Variants in ALCAM observed in about 807,000 individuals in gnomAD.
ALCAM encodes activated leukocyte cell adhesion molecule, also known as CD166 antigen.
In ALCAM, 30 loss-of-function variants were observed where a neutral mutation model predicts 70.9. The ratio of observed to expected loss-of-function variants is 0.42; its 90% confidence interval spans 0.32 to 0.57. The LOEUF (loss-of-function observed/expected upper bound fraction) is 0.57, where lower values mean the gene tolerates loss of function less well. Ranked by LOEUF, ALCAM falls within the 20% of genes least tolerant of loss-of-function variation. The pLI is 0.11. For synonymous variants in ALCAM, 249 were observed against 242.5 expected (o/e 1.03, Z -0.25); for missense variants, 591 against 695.1 (o/e 0.85, Z 1.68).
rs1411559686 is a variant in ALCAM at position 105,434,571 on chromosome 3, C to T, written c.73+67090C>T. ...ATATATTAATATATATAAATGTATTCTACATTGGCCTTTTTATCCTCTTGG... is the reference window on the plus strand; with the variant it reads ...ATATATTAATATATATAAATGTATTTTACATTGGCCTTTTTATCCTCTTGG... On this transcript the variant is annotated intron_variant, in intron 1 of 15. Coordinates refer to ENST00000306107, the MANE Select transcript of ALCAM (RefSeq NM_001627.4). 2.6e-5 allele frequency among the ~76,000 whole-genome samples: 4 copies of T among 151,930 alleles called. No homozygotes were observed. In the South Asian group the frequency reaches 6.2e-4, roughly 24 times the overall value.
chr3:105,534,676 T>G lies in ALCAM; in HGVS notation c.561T>G (p.Ile187Met). The G allele has an allele frequency of 6.2e-7, 1 of 1,613,524 alleles. No homozygotes were observed. Among genetic ancestry groups the G allele is most frequent in the Non-Finnish European group, 8.5e-7 (1 of 1,179,664 alleles). ...LHPLEGAVVI[I>M]FKKEMDPVTQ... ...TATTTTCTTCAGCGGTGGTCATAATTTTTAAAAAGGAAATGGACCCAGTGA... is the reference window on the plus strand; with the variant it reads ...TATTTTCTTCAGCGGTGGTCATAATGTTTAAAAAGGAAATGGACCCAGTGA... The change falls in exon 6 of 16, where the codon ATT becomes ATG. Residue 187 changes from isoleucine to methionine, a missense_variant. Physicochemically the swap from Ile to Met is conservative, Grantham distance 10 (BLOSUM62 1). Transcript: ENST00000306107.
intron 1 of ALCAM, among the ~76,000 whole-genome samples, chr3:105,403,133 G>A (rs1374641845): frequency 1.3e-5 from 2 of 151,912 alleles, no homozygotes; most frequent in Non-Finnish European, 2.9e-5. Context: ...TTTCAGTAGA[G>A]ACGGGGTTTC....
chr3:105,481,873 C>A (rs1232149700), intron 1 of ALCAM, among the ~76,000 whole-genome samples: 1 of 151,982 alleles, frequency 6.6e-6, no homozygotes, highest in East Asian at 1.9e-4. Context: ...TTGGCCAATT[C>A]ATTAAAGATA....
At chr3:105,532,628 A>G (rs1939868658) in intron 4 of ALCAM, among the ~76,000 whole-genome samples, 1 of 151,958 alleles carries the variant, frequency 6.6e-6, no homozygotes, top group Non-Finnish European at 1.5e-5. Flanking sequence ...TATAGAGAGA[A>G]TGATGAAAGA....
chr3:105,521,355 G>C (rs1939540116), intron 2 of ALCAM, among the ~76,000 whole-genome samples: 1 of 150,116 alleles, frequency 6.7e-6, no homozygotes, highest in African/African-American at 2.4e-5. Flanking sequence ...ACTTCTCGGA[G>C]TCTTTCATAT....
At chr3:105,413,116 A>G (rs893675930) in intron 1 of ALCAM, among the ~76,000 whole-genome samples, 1 of 152,098 alleles carries the variant, frequency 6.6e-6, no homozygotes, top group African/African-American at 2.4e-5. Context: ...GTGACACGTG[A>G]CCTTGTACAG....
At chr3:105,471,094 A>G (rs950904838) in intron 1 of ALCAM, among the ~76,000 whole-genome samples, 3 of 151,436 alleles carry the variant, frequency 2.0e-5, no homozygotes, top group African/African-American at 7.3e-5. Flanking sequence ...AAAGAAAACA[A>G]TAGGAAAGCC....
intron 1 of ALCAM, among the ~76,000 whole-genome samples, chr3:105,485,096 A>C (rs1938388975): frequency 6.6e-6 from 1 of 152,122 alleles, no homozygotes; most frequent in Admixed American, 6.6e-5. Flanking sequence ...TATGAAAACA[A>C]ACTACACTAT....
At chr3:105,391,793 A>G (rs1341250519) in intron 1 of ALCAM, among the ~76,000 whole-genome samples, 2 of 152,018 alleles carry the variant, frequency 1.3e-5, no homozygotes, top group African/African-American at 4.8e-5. Flanking sequence ...GGGATGCTGA[A>G]TTTTATCAAA....
intron 1 of ALCAM, among the ~76,000 whole-genome samples, chr3:105,418,540 T>C (rs915514921): frequency 4.6e-5 from 7 of 151,762 alleles, no homozygotes; most frequent in African/African-American, 1.7e-4. Context: ...CAAATTCACT[T>C]AGTAGAGTAA....
intron 1 of ALCAM, among the ~76,000 whole-genome samples, chr3:105,401,274 TGTAATTTAC>T (rs1440386914): frequency 1.3e-5 from 2 of 152,234 alleles, no homozygotes; most frequent in Non-Finnish European, 2.9e-5. Flanking sequence ...GTACTGTCTC[TGTAATTTAC>T]GTCTAGTATT....
At chr3:105,409,134 A>G (rs148129727) in intron 1 of ALCAM, among the ~76,000 whole-genome samples, 404 of 152,186 alleles carry the variant, frequency 2.7e-3, no homozygotes, top group Non-Finnish European at 4.6e-3. Flanking sequence ...TGGAAAAACA[A>G]TGTGGAGATT....
intron 1 of ALCAM, among the ~76,000 whole-genome samples, chr3:105,478,503 T>G (rs1938183029): frequency 6.6e-6 from 1 of 152,130 alleles, no homozygotes; most frequent in Admixed American, 6.6e-5. Context: ...TCTCCATGAC[T>G]CCCAGTGCAG....
intron 1 of ALCAM, among the ~76,000 whole-genome samples, chr3:105,509,096 CAATT>C (rs1190206170): frequency 2.6e-5 from 4 of 152,088 alleles, no homozygotes; most frequent in African/African-American, 7.2e-5. Context: ...TCTATATAGA[CAATT>C]TATTTATCCT....
chr3:105,403,294 A>G (rs186396146), intron 1 of ALCAM, among the ~76,000 whole-genome samples: 74 of 152,214 alleles, frequency 4.9e-4, no homozygotes, highest in Non-Finnish European at 7.9e-4. Context: ...GCCAACAAAC[A>G]CAAAATCAGT....
At chr3:105,424,785 C>A (rs1936748625) in intron 1 of ALCAM, among the ~76,000 whole-genome samples, 1 of 151,566 alleles carries the variant, frequency 6.6e-6, no homozygotes, top group South Asian at 2.1e-4. Flanking sequence ...AAAACCATGT[C>A]CAGAAAACCA....
At chr3:105,412,458 G>A (rs1401889075) in intron 1 of ALCAM, among the ~76,000 whole-genome samples, 1 of 152,060 alleles carries the variant, frequency 6.6e-6, no homozygotes, top group Non-Finnish European at 1.5e-5. Flanking sequence ...GTAAAATAAA[G>A]GAGAATAATT....
chr3:105,565,371 CTTAA>C (rs570428416), intron 14 of ALCAM, among the ~76,000 whole-genome samples: 6 of 152,144 alleles, frequency 3.9e-5, no homozygotes, highest in African/African-American at 7.2e-5. Flanking sequence ...ATGTCTATAA[CTTAA>C]TTGTCACTGA....
chr3:105,405,386 A>G (rs1478079131), intron 1 of ALCAM, among the ~76,000 whole-genome samples: 1 of 151,756 alleles, frequency 6.6e-6, no homozygotes, highest in African/African-American at 2.4e-5. Flanking sequence ...TGCACCTAAG[A>G]GTTCTCAAAT....
Sources: gnomAD v4.1 joint callset for allele counts (sites outside exome capture counted in the v4.1 genomes callset) on GRCh38, gnomAD v4.1.1 for gene constraint, MANE v1.5 for transcripts, NCBI Gene and HGNC (gene_info 2026-07-23, HGNC 2026-07-21) for gene names.